Variants in IL1RAP observed in about 807,000 individuals in gnomAD.
IL1RAP encodes the protein interleukin 1 receptor accessory protein.
Under a neutral mutation model 60.7 loss-of-function variants are expected in IL1RAP, and 35 were observed. That is an observed-to-expected ratio of 0.58 (90% CI 0.44 to 0.76). The LOEUF (loss-of-function observed/expected upper bound fraction) is 0.76, where lower values mean the gene tolerates loss of function less well. Ranked by LOEUF, IL1RAP falls within the 30% of genes least tolerant of loss-of-function variation. The probability of loss-of-function intolerance (pLI) is 0.00; values close to 1 mark genes in which losing one functional copy is unlikely to be tolerated. For synonymous variants in IL1RAP, 268 were observed against 250.9 expected, an observed-to-expected ratio of 1.07 and a Z score of -0.64; for missense variants, 572 against 693.9, an observed-to-expected ratio of 0.82 and a Z score of 1.97.
intron 9 of IL1RAP, among the ~76,000 whole-genome samples, chr3:190,641,157 G>T (rs951655678): frequency 3.3e-5 from 5 of 152,126 alleles, no homozygotes; most frequent in African/African-American, 9.7e-5. Context: ...TTGAGACAGG[G>T]TTTCTCCATG....
intron 6 of IL1RAP, among the ~76,000 whole-genome samples, chr3:190,622,993 A>G (rs1024449607): frequency 6.6e-6 from 1 of 152,062 alleles, no homozygotes; most frequent in Non-Finnish European, 1.5e-5. Flanking sequence ...TCCACTCGTT[A>G]CTCCAGAGAT....
chr3:190,629,380 A>G lies in IL1RAP; in HGVS notation c.933A>G (p.Thr311=). The part of the protein sequence containing the change: ...SISHSRTEDE[T]RTQILSIKKV... ...GTCATAGTAGAACAGAAGATGAAAC[A>G]AGAACTCAGATTTTGAGCATCAAGA... Residue 311 remains threonine, a synonymous_variant, in exon 9 of 12, where the codon ACA becomes ACG. Transcript: ENST00000447382. 3 of 1,612,682 alleles carry G rather than the reference A, an allele frequency of 1.9e-6. No homozygotes were observed. Among genetic ancestry groups the G allele is most frequent in the African/African-American group, 1.3e-5 (1 of 74,980 alleles).
intron 3 of IL1RAP, among the ~76,000 whole-genome samples, chr3:190,586,173 T>G (rs950033360): frequency 6.6e-6 from 1 of 152,220 alleles, no homozygotes; most frequent in African/African-American, 2.4e-5. Flanking sequence ...CTATGACACG[T>G]TGCATCTTTA....
chr3:190,632,459 A>G (rs1179125674), intron 9 of IL1RAP, among the ~76,000 whole-genome samples: 1 of 152,194 alleles, frequency 6.6e-6, no homozygotes, highest in African/African-American at 2.4e-5. Context: ...TTGTTTTTAA[A>G]TTTAATGTAT....
At chr3:190,620,536 A>G (rs1008437294) in intron 6 of IL1RAP, 96 bp downstream of exon 6, 2 of 1,098,732 alleles carry the variant, frequency 1.8e-6, no homozygotes, top group Non-Finnish European at 2.6e-6. Context: ...AAATTGTATA[A>G]GAAAAGTGAT....
chr3:190,590,613 C>T (rs1728864217), intron 3 of IL1RAP, among the ~76,000 whole-genome samples: 2 of 152,186 alleles, frequency 1.3e-5, no homozygotes, highest in Admixed American at 6.5e-5. Flanking sequence ...AGCTTGTTTT[C>T]AGCCTCAAGG....
intron 10 of IL1RAP, 22 bp from the exon 11 acceptor site, chr3:190,645,675 TTG>T (rs759291421): frequency 1.9e-6 from 3 of 1,571,632 alleles, no homozygotes; most frequent in African/African-American, 2.7e-5. Flanking sequence ...CTAATTTACA[TTG>T]TATCTGTGTT....
chr3:190,619,304 GT>G (rs1406275340), intron 5 of IL1RAP, among the ~76,000 whole-genome samples: 1 of 152,166 alleles, frequency 6.6e-6, no homozygotes, highest in Non-Finnish European at 1.5e-5. Flanking sequence ...GACTGAGATA[GT>G]TCAATTTCTC....
downstream of IL1RAP, chr3:190,656,070 C>A (rs1734610106): frequency 6.5e-7 from 1 of 1,537,260 alleles, no homozygotes; most frequent in South Asian, 1.2e-5. Context: ...AGCACCCGCA[C>A]CCAGGCATTC....
chr3:190,518,501 T>C (rs1721729655), intron 1 of IL1RAP: 1 of 152,188 alleles, frequency 6.6e-6, no homozygotes, highest in African/African-American at 2.4e-5. Context: ...TCCTGTATAT[T>C]TTTTTAGGAA....
At chr3:190,561,248 T>G (rs1725865638) in intron 2 of IL1RAP, among the ~76,000 whole-genome samples, 1 of 152,178 alleles carries the variant, frequency 6.6e-6, no homozygotes, top group African/African-American at 2.4e-5. Flanking sequence ...ATTCTAAGGC[T>G]GAATACAAGA....
At chr3:190,576,514 A>G (rs1362773543) in intron 3 of IL1RAP, among the ~76,000 whole-genome samples, 2 of 152,236 alleles carry the variant, frequency 1.3e-5, no homozygotes, top group African/African-American at 4.8e-5. Flanking sequence ...GTGACAAAAT[A>G]GATTCAAACT....
chr3:190,634,451 C>T (rs116264393), intron 9 of IL1RAP, among the ~76,000 whole-genome samples: 3,058 of 150,844 alleles, frequency 0.02, 92 homozygotes, highest in African/African-American at 0.07. Flanking sequence ...ACCATACCAG[C>T]GAATTTTTTT....
At chr3:190,563,777 AG>A (rs1363065746) in intron 2 of IL1RAP, among the ~76,000 whole-genome samples, 3 of 152,206 alleles carry the variant, frequency 2.0e-5, no homozygotes, top group Non-Finnish European at 2.9e-5. Flanking sequence ...AAAAGGGAAA[AG>A]TACCTGGATT....
Position 190,541,473 on chromosome 3 carries a change from T to C in IL1RAP, c.-88-14657T>C, listed in dbSNP as rs533703913. Among the ~76,000 whole-genome samples, 27 of 152,266 alleles carry C rather than the reference T, an allele frequency of 1.8e-4. No homozygotes were observed. In the South Asian group the frequency reaches 2.1e-3, roughly 12 times the overall value. On this transcript the variant is annotated intron_variant, in intron 1 of 11. Coordinates refer to ENST00000447382, the MANE Select transcript of IL1RAP (RefSeq NM_002182.4). Reference sequence around the variant, plus strand: ...ACAGAAGATAGGTCCTATTTCATTATGTTTAACTAAGCAGTTCAGAATTAA... The same window carrying C: ...ACAGAAGATAGGTCCTATTTCATTACGTTTAACTAAGCAGTTCAGAATTAA...
At position 190,651,364 on chromosome 3, in the gene IL1RAP, T is replaced by C. The variant is rs1472818915; in HGVS notation, c.*2659T>C. ...TTCATTGTATTTGGAAACAAAAACA[T>C]CATTCATTAATTACTTATTTTCTTT... On this transcript the variant is annotated 3_prime_UTR_variant, in exon 12 of 12. Coordinates refer to ENST00000447382, the MANE Select transcript of IL1RAP (RefSeq NM_002182.4). The C allele has an allele frequency of 2.3e-6, 2 of 851,072 alleles. No individual in the cohort carries two copies. Among genetic ancestry groups the C allele is most frequent in the East Asian group, 2.4e-4 (2 of 8,168 alleles). 52.7% of individuals were successfully genotyped at this position (851,072 alleles called of 1,614,324 possible). A position where few individuals can be genotyped will look rare whatever the true frequency, so the allele number is the denominator to read the frequency against.
intron 3 of IL1RAP, among the ~76,000 whole-genome samples, chr3:190,580,502 C>G (rs995738011): frequency 3.3e-5 from 5 of 152,162 alleles, no homozygotes; most frequent in African/African-American, 7.2e-5. Context: ...CTGCCATATG[C>G]ATAGACCTGG....
chr3:190,542,561 C>T (rs532392855), intron 1 of IL1RAP, among the ~76,000 whole-genome samples: 24 of 152,214 alleles, frequency 1.6e-4, no homozygotes, highest in African/African-American at 5.5e-4. Flanking sequence ...AGTGAATGAA[C>T]AGATGTTATT....
chr3:190,523,017 T>A (rs73058173), intron 1 of IL1RAP, among the ~76,000 whole-genome samples: 2,805 of 152,282 alleles, frequency 0.018, 98 homozygotes, highest in African/African-American at 0.063. Context: ...AGTAATTTGA[T>A]ACATATGAAG....
Sources: gnomAD v4.1 joint callset for allele counts (sites outside exome capture counted in the v4.1 genomes callset) on GRCh38, gnomAD v4.1.1 for gene constraint, MANE v1.5 for transcripts, NCBI Gene and HGNC (gene_info 2026-07-23, HGNC 2026-07-21) for gene names.